DYNC2H1: variants seen among roughly 807,000 people sequenced by gnomAD.
The protein encoded by DYNC2H1 is dynein cytoplasmic 2 heavy chain 1.
A neutral mutation model predicts 570.0 loss-of-function variants in DYNC2H1; 410 were observed. That is an observed-to-expected ratio of 0.72 (90% CI 0.66 to 0.78). The LOEUF is 0.78. Ranked by LOEUF, DYNC2H1 falls within the 30% of genes least tolerant of loss-of-function variation. The pLI is 0.00. For synonymous variants in DYNC2H1, 1,688 were observed against 1,677.6 expected, an observed-to-expected ratio of 1.01 and a Z score of -0.15; for missense variants, 4,865 against 5,046.4, an observed-to-expected ratio of 0.96 and a Z score of 1.09.
At chr11:103,146,566 T>A (rs1378708015) in intron 18 of DYNC2H1, among the ~76,000 whole-genome samples, 1 of 152,208 alleles carries the variant, frequency 6.6e-6, no homozygotes, top group African/African-American at 2.4e-5. Context: ...AATACACTTA[T>A]AAAATGTAGA....
chr11:103,300,536 G>A (rs529018646), intron 75 of DYNC2H1, among the ~76,000 whole-genome samples: 1 of 151,970 alleles, frequency 6.6e-6, no homozygotes, highest in Non-Finnish European at 1.5e-5. Context: ...CTGGAGTTTT[G>A]TGGGCAGGAT....
intron 47 of DYNC2H1, among the ~76,000 whole-genome samples, chr11:103,192,945 AT>A (rs917344400): frequency 3.9e-5 from 6 of 152,234 alleles, no homozygotes; most frequent in Non-Finnish European, 8.8e-5. Flanking sequence ...GGCTTCAAAA[AT>A]ATTTTATATA....
chr11:103,202,293 GATTTTTT>G (rs1230330823), intron 50 of DYNC2H1, among the ~76,000 whole-genome samples: 1 of 47,184 alleles, frequency 2.1e-5, no homozygotes, highest in Non-Finnish European at 3.5e-5. Context: ...CAGAAACACA[GATTTTTT>G]TTTTTTTTTT....
At chr11:103,392,092 G>A (rs757521026) in intron 83 of DYNC2H1, among the ~76,000 whole-genome samples, 18 of 152,208 alleles carry the variant, frequency 1.2e-4, no homozygotes, top group African/African-American at 1.9e-4. Flanking sequence ...TGCCCTGCCC[G>A]CAGAGGTGGA....
intron 85 of DYNC2H1, among the ~76,000 whole-genome samples, chr11:103,452,611 C>G (rs574104769): frequency 7.1e-6 from 1 of 141,736 alleles, no homozygotes; most frequent in Non-Finnish European, 1.6e-5. Flanking sequence ...AAAAATGATA[C>G]CTGCTTGTAT....
At chr11:103,320,940 T>G (rs572793347) in intron 80 of DYNC2H1, 89 bp from the exon 81 acceptor site, 1 of 943,938 alleles carries the variant, frequency 1.1e-6, no homozygotes, top group Admixed American at 2.8e-5. Context: ...ATTAAATACA[T>G]TTGGCTACAT....
chr11:103,448,879 G>A (rs998360540), intron 85 of DYNC2H1, among the ~76,000 whole-genome samples: 1 of 151,880 alleles, frequency 6.6e-6, no homozygotes, highest in Admixed American at 6.6e-5. Flanking sequence ...CAAATTCCAG[G>A]TATAAAACTA....
chr11:103,463,534 G>A (rs1180108295), intron 87 of DYNC2H1, among the ~76,000 whole-genome samples: 1 of 152,110 alleles, frequency 6.6e-6, no homozygotes, highest in Non-Finnish European at 1.5e-5. Flanking sequence ...CAGATCGCTT[G>A]AGCCCAGGTG....
intron 82 of DYNC2H1, among the ~76,000 whole-genome samples, chr11:103,341,238 C>T (rs1474416580): frequency 3.3e-5 from 5 of 152,154 alleles, no homozygotes; most frequent in Non-Finnish European, 7.3e-5. Flanking sequence ...TCAAATAATT[C>T]TCTTGCTTTC....
chr11:103,258,436 T>C lies in DYNC2H1; in HGVS notation c.10605+685T>C, dbSNP rs570656120. On this transcript the variant is annotated intron_variant, in intron 69 of 88. Transcript: ENST00000375735. ...AATTAAAACTATTTTCTTATGCTTA[T>C]TGATTCTATTGGAAATTTAGTCAGG... Among the ~76,000 whole-genome samples, 4 of 152,350 alleles carry C rather than the reference T, an allele frequency of 2.6e-5. No individual in the cohort carries two copies. The South Asian group carries it at 8.3e-4, about 32-fold the overall frequency.
At chr11:103,424,650 C>A (rs1353966012) in intron 84 of DYNC2H1, among the ~76,000 whole-genome samples, 1 of 146,696 alleles carries the variant, frequency 6.8e-6, no homozygotes, top group Admixed American at 6.9e-5. Context: ...TTGATTTATG[C>A]AACTACATGG....
At chr11:103,359,766 G>C (rs1940545864) in intron 83 of DYNC2H1, among the ~76,000 whole-genome samples, 1 of 150,768 alleles carries the variant, frequency 6.6e-6, no homozygotes, top group Non-Finnish European at 1.5e-5. Context: ...CCGGGTTCAA[G>C]TGATTCTCCT....
chr11:103,120,269 A>C (rs1307100753), intron 6 of DYNC2H1, among the ~76,000 whole-genome samples, 178 bp from the exon 7 acceptor site: 2 of 152,190 alleles, frequency 1.3e-5, no homozygotes. Flanking sequence ...GTTTTTGAGC[A>C]TCACTTTGTT....
intron 12 of DYNC2H1, 32 bp downstream of exon 12, chr11:103,125,327 A>G (rs749301502): frequency 7.9e-7 from 1 of 1,268,714 alleles, no homozygotes; most frequent in South Asian, 1.3e-5. Context: ...ATACCTGCCT[A>G]TTTGGAGTTC....
intron 79 of DYNC2H1, among the ~76,000 whole-genome samples, chr11:103,315,584 C>T (rs1208771954): frequency 1.3e-5 from 2 of 151,998 alleles, no homozygotes; most frequent in African/African-American, 4.8e-5. Flanking sequence ...ATTTTCCTAA[C>T]GAGTTCTTAA....
Position 103,153,261 on chromosome 11 carries a change from T to C in DYNC2H1, c.3097-42T>C, listed in dbSNP as rs914042478. ...AGAAAAGTATGAACCCAAAATGAAA[T>C]TTTACTCTGCATTAAATTATTTAAA... On this transcript the variant is annotated intron_variant, in intron 21 of 88. Transcript: ENST00000375735. The C allele has an allele frequency of 4.1e-6, 6 of 1,467,820 alleles. No individual in the cohort carries two copies. The African/African-American group carries it at 7.3e-5, about 18-fold the overall frequency. 90.9% of individuals were successfully genotyped at this position (1,467,820 alleles called of 1,614,324 possible).
Position 103,209,173 on chromosome 11 carries a change from T to C in DYNC2H1, c.8455-703T>C, listed in dbSNP as rs1245065637. On this transcript the variant is annotated intron_variant, in intron 52 of 88. Transcript: ENST00000375735. This position sits in a 1 kb window ranked among gnomAD's most constrained non-coding sequence, Gnocchi z 4.2. ...ACCTAATTACCAAGATCACTTGTGT[T>C]TTCTTCTTGCTGGTAACTTCAGCTC... is the stretch of plus-strand genomic sequence containing the variant. 6.6e-6 allele frequency among the ~76,000 whole-genome samples: 1 copy of C among 152,094 alleles called. No individual in the cohort carries two copies.
In DYNC2H1 at chr11:103,323,864, T is replaced by C. The variant is rs762140535; in HGVS notation, c.11935-22T>C. ...CAATCTTTATTTTTTAAAAAAACTG[T>C]TTTTCACTTCTTTATATTTAGGACT... is the stretch of plus-strand genomic sequence containing the variant. On this transcript the variant is annotated intron_variant, in intron 81 of 88. Coordinates refer to ENST00000375735, the MANE Select transcript of DYNC2H1 (RefSeq NM_001377.3). 1.3e-5 allele frequency: 21 copies of C among 1,579,990 alleles called. No homozygotes were observed. In the South Asian group the frequency reaches 2.0e-4, roughly 15 times the overall value.
intron 86 of DYNC2H1, among the ~76,000 whole-genome samples, chr11:103,455,970 C>G (rs570396046): frequency 2.0e-5 from 3 of 152,004 alleles, no homozygotes; most frequent in Non-Finnish European, 4.4e-5. Context: ...TTCAGTTCAG[C>G]TAATAAACAT....
Sources: allele counts gnomAD v4.1 joint callset (sites outside exome capture counted in the v4.1 genomes callset), GRCh38; gene constraint gnomAD v4.1.1; non-coding constraint Gnocchi (gnomAD v3.1); transcripts MANE v1.5; gene names NCBI Gene and HGNC (gene_info 2026-07-23, HGNC 2026-07-21).